The following FASTKD1 variants were observed in gnomAD, a reference collection of about 807,000 sequenced individuals.
FASTKD1 encodes FAST kinase domain-containing protein 1, mitochondrial.
Under a neutral mutation model 90.9 loss-of-function variants are expected in FASTKD1, and 94 were observed. The observed-to-expected ratio is 1.03, with a 90% CI of 0.88 to 1.23. FASTKD1 has a LOEUF of 1.23. FASTKD1 is among the 50% of genes most tolerant of loss of function. FASTKD1 has a pLI of 0.00. For missense variants in FASTKD1, 945 were observed against 993.5 expected (o/e 0.95, Z 0.66); for synonymous variants, 319 against 345.8 (o/e 0.92, Z 0.86).
chr2:169,554,810 C>T (rs1685670305), intron 7 of FASTKD1, among the ~76,000 whole-genome samples: 2 of 152,202 alleles, frequency 1.3e-5, no homozygotes, highest in Non-Finnish European at 2.9e-5. Flanking sequence ...TGGAGTTTAA[C>T]TTTCGTCAGC....
intron 2 of FASTKD1, 41 bp from the exon 3 acceptor site, chr2:169,569,293 A>G: frequency 1.3e-6 from 2 of 1,563,230 alleles, no homozygotes; most frequent in Non-Finnish European, 1.8e-6. Context: ...TAATCATTTT[A>G]AAATCATTAA....
At chr2:169,560,835 A>AATT in intron 4 of FASTKD1, 50 bp from the exon 5 acceptor site, 8 of 929,084 alleles carry the variant, frequency 8.6e-6, no homozygotes, top group African/African-American at 1.8e-5. Flanking sequence ...AAGAATGATC[A>AATT]ATTCTTTTTT....
chr2:169,554,119 A>AAG (rs1167562217), intron 7 of FASTKD1, among the ~76,000 whole-genome samples: 2 of 148,718 alleles, frequency 1.3e-5, no homozygotes, highest in African/African-American at 5.0e-5. Context: ...AAAAAAAAAA[A>AAG]AAATTAGCCA....
chr2:169,536,758 G>C (rs1383647980), intron 12 of FASTKD1, among the ~76,000 whole-genome samples: 1 of 152,150 alleles, frequency 6.6e-6, no homozygotes, highest in Non-Finnish European at 1.5e-5. Context: ...AACTAGACCA[G>C]TTGAGAAACA....
At chr2:169,565,787 A>G (rs1009251352) in intron 3 of FASTKD1, among the ~76,000 whole-genome samples, 1 of 152,184 alleles carries the variant, frequency 6.6e-6, no homozygotes, top group Non-Finnish European at 1.5e-5. Context: ...TAGAGCTTAT[A>G]CTAATTTACA....
chr2:169,555,032 C>T, intron 7 of FASTKD1, 92 bp downstream of exon 7: 1 of 1,235,960 alleles, frequency 8.1e-7, no homozygotes, highest in Non-Finnish European at 1.1e-6. Context: ...ATTTTGCCTC[C>T]ATAACTTCTA....
chr2:169,556,773 G>A (rs1264123037), intron 6 of FASTKD1, among the ~76,000 whole-genome samples: 1 of 152,150 alleles, frequency 6.6e-6, no homozygotes, highest in African/African-American at 2.4e-5. Context: ...GTTGCAGTGA[G>A]CCGAGATGGC....
At position 169,551,885 on chromosome 2, in the gene FASTKD1, TG is replaced by T. The variant is rs1444506632; in HGVS notation, c.1214+3238del. On this transcript the variant is annotated intron_variant, in intron 7 of 14. Coordinates refer to ENST00000453153, the MANE Select transcript of FASTKD1 (RefSeq NM_024622.6). ...AGTTACAAATAGAGATAGTTAATCT[TG>T]GAGGTGAGGACAGGGTAATGAGGAA... 7.9e-5 allele frequency among the ~76,000 whole-genome samples: 12 copies of T among 152,176 alleles called. No homozygotes were observed. The South Asian group carries it at 1.2e-3, about 16-fold the overall frequency.
At chr2:169,557,985 C>G (rs1477128656) in intron 5 of FASTKD1, among the ~76,000 whole-genome samples, 1 of 152,190 alleles carries the variant, frequency 6.6e-6, no homozygotes, top group Non-Finnish European at 1.5e-5. Flanking sequence ...GGTTTCAAAC[C>G]CAGTTTCTCC....
intron 13 of FASTKD1, 124 bp downstream of exon 13, chr2:169,531,228 G>A: frequency 3.0e-6 from 3 of 1,005,672 alleles, no homozygotes; most frequent in Admixed American, 1.7e-5. Flanking sequence ...AGTTACAAAG[G>A]TGGAATGCAT....
At chr2:169,531,956 G>T (rs913100442) in intron 12 of FASTKD1, among the ~76,000 whole-genome samples, 1 of 152,170 alleles carries the variant, frequency 6.6e-6, no homozygotes, top group African/African-American at 2.4e-5. Flanking sequence ...AATGTAGAAG[G>T]CATGATAGAT....
At chr2:169,541,113 T>A (rs914687333) in intron 9 of FASTKD1, among the ~76,000 whole-genome samples, 5 of 152,214 alleles carry the variant, frequency 3.3e-5, no homozygotes, top group African/African-American at 9.6e-5. Flanking sequence ...ATGAAGTTAA[T>A]AGTGATGATT....
intron 12 of FASTKD1, among the ~76,000 whole-genome samples, chr2:169,533,806 A>G (rs1684599982): frequency 6.6e-6 from 1 of 152,186 alleles, no homozygotes; most frequent in South Asian, 2.1e-4. Context: ...AAAGTTATAA[A>G]CTGCTATGAT....
In FASTKD1 at chr2:169,562,024, ATTAT is replaced by A. The variant is rs1559157375; in HGVS notation, c.572+1197_572+1200del. 2.3e-3 allele frequency among the ~76,000 whole-genome samples: 265 copies of A among 115,684 alleles called. 26 individuals are homozygous for A. Among genetic ancestry groups the A allele is most frequent in the African/African-American group, 8.1e-3 (246 of 30,358 alleles). The allele number at this position is 115,684 out of a possible 152,430, so 75.9% of individuals were successfully genotyped here. ...TTATTCATTAATTTATTGTAAATTAATTATTTATTAATTTATTGTAAATTAATTA... is the reference window on the plus strand; with the variant it reads ...TTATTCATTAATTTATTGTAAATTAATTATTAATTTATTGTAAATTAATTA... On this transcript the variant is annotated intron_variant, in intron 4 of 14. Coordinates refer to ENST00000453153, the MANE Select transcript of FASTKD1 (RefSeq NM_024622.6).
chr2:169,540,081 A>T lies in FASTKD1; in HGVS notation c.1915T>A (p.Phe639Ile). The T allele has an allele frequency of 6.2e-7, 1 of 1,605,096 alleles. No individual in the cohort carries two copies. Reference protein sequence around the residue: ...DLLKAIFNIKFLARLDSQLEI... With the variant: ...DLLKAIFNIKILARLDSQLEI... ...AGTTGAGAATCCAATCTAGCTAAGA[A>T]TTTGATGTTAAAAATTGCCTTTAGC... The change falls in exon 10 of 15, where the codon TTC (phenylalanine) becomes ATC (isoleucine). Residue 639 changes from phenylalanine to isoleucine, a missense_variant. Physicochemically the swap from Phe to Ile is conservative, Grantham distance 21. Coordinates refer to ENST00000453153, the MANE Select transcript of FASTKD1 (RefSeq NM_024622.6).
At position 169,547,288 on chromosome 2, in the gene FASTKD1, G is replaced by C. The variant is rs759192941; in HGVS notation, c.1215-584C>G. ...CATGCCACCCTCCAGGAACCTCCACGTGTTCGGCTATCCGGAAGCAGTCCA... is the reference window on the plus strand; with the variant it reads ...CATGCCACCCTCCAGGAACCTCCACCTGTTCGGCTATCCGGAAGCAGTCCA... On this transcript the variant is annotated intron_variant, in intron 7 of 14. Coordinates refer to ENST00000453153, the MANE Select transcript of FASTKD1 (RefSeq NM_024622.6). Among the ~76,000 whole-genome samples the C allele has an allele frequency of 3.3e-5, 5 of 152,188 alleles. No individual in the cohort carries two copies. In the South Asian group the frequency reaches 1.0e-3, roughly 31 times the overall value.
intron 9 of FASTKD1, among the ~76,000 whole-genome samples, chr2:169,540,783 G>A (rs567422661): frequency 6.6e-6 from 1 of 152,228 alleles, no homozygotes; most frequent in South Asian, 2.1e-4. Context: ...GTCCAGCTCT[G>A]GAGCCTGGAT....
intron 8 of FASTKD1, among the ~76,000 whole-genome samples, chr2:169,545,959 GGT>G (rs771325677): frequency 1.9e-4 from 29 of 152,012 alleles, no homozygotes; most frequent in Non-Finnish European, 2.8e-4. Flanking sequence ...TAAGAGACAG[GGT>G]CTCACTCTGT....
chr2:169,551,280 G>A (rs1047307885), intron 7 of FASTKD1, among the ~76,000 whole-genome samples: 3 of 152,042 alleles, frequency 2.0e-5, no homozygotes, highest in Non-Finnish European at 4.4e-5. Context: ...GATTACACTC[G>A]CTGGCACACA....
Sources: gnomAD v4.1 joint callset for allele counts (sites outside exome capture counted in the v4.1 genomes callset) on GRCh38, gnomAD v4.1.1 for gene constraint, MANE v1.5 for transcripts, NCBI Gene and HGNC (gene_info 2026-07-23, HGNC 2026-07-21) for gene names.